The following AEBP2 variants were observed in gnomAD, a reference collection of about 807,000 sequenced individuals.
The protein encoded by AEBP2 is zinc finger protein AEBP2.
Under a neutral mutation model 50.8 loss-of-function variants are expected in AEBP2, and 10 were observed. That is an observed-to-expected ratio of 0.20 (90% CI 0.12 to 0.33). AEBP2 has a LOEUF of 0.33. Among genes scored for constraint, AEBP2 ranks in the 10% least tolerant of loss-of-function variants. The pLI is 1.00. For synonymous variants in AEBP2, 296 were observed against 261.3 expected, an observed-to-expected ratio of 1.13 and a Z score of -1.28; for missense variants, 570 against 688.0, an observed-to-expected ratio of 0.83 and a Z score of 1.92.
chr12:19,499,614 T>TAA (rs374307323), intron 4 of AEBP2, among the ~76,000 whole-genome samples: 13,701 of 111,848 alleles, frequency 0.12, 1,301 homozygotes, highest in African/African-American at 0.25. Flanking sequence ...ACTCTGTCTC[T>TAA]TAAAAAAAAA....
chr12:19,415,334 AAAAAAAAAAAAAAAAAATAT>A (rs1376758486), intron 1 of AEBP2, among the ~76,000 whole-genome samples: 4 of 43,566 alleles, frequency 9.2e-5, no homozygotes, highest in African/African-American at 2.7e-4. Context: ...AAAAAAAAAA[AAAAAAAAAAAAAAAAAATAT>A]ATATATATAT....
intron 3 of AEBP2, among the ~76,000 whole-genome samples, chr12:19,485,044 G>T (rs1948787102): frequency 6.6e-6 from 1 of 152,144 alleles, no homozygotes; most frequent in Non-Finnish European, 1.5e-5. Context: ...AAATATAAGA[G>T]ATTATTTATT....
At chr12:19,431,003 C>G (rs2095751127) in intron 1 of AEBP2, among the ~76,000 whole-genome samples, 1 of 115,914 alleles carries the variant, frequency 8.6e-6, no homozygotes, top group Admixed American at 9.4e-5. Flanking sequence ...TAGAGCCAGA[C>G]CCTGTCTAAA....
chr12:19,489,143 A>G (rs990677315), intron 3 of AEBP2, among the ~76,000 whole-genome samples: 1 of 152,142 alleles, frequency 6.6e-6, no homozygotes, highest in Non-Finnish European at 1.5e-5. Context: ...AAAACAGTCA[A>G]TGTTTGTATT....
chr12:19,439,663 G>A lies in AEBP2; in HGVS notation c.-37G>A, dbSNP rs1405321750. On this transcript the variant is annotated 5_prime_UTR_variant, in exon 1 of 8. In the 5' UTR this introduces an upstream ATG that the reference lacks. Coordinates refer to ENST00000266508, the MANE Select transcript of AEBP2 (RefSeq NM_153207.5). ...AGAGAGTCGAGAGAGGGAGGCGGCG[G>A]TGGGGAGGAGGAGGAGGAGGAGGAG... 7.0e-7 allele frequency: 1 copy of A among 1,436,788 alleles called. No homozygotes were observed. The highest frequency in any genetic ancestry group is 9.1e-7 in the Non-Finnish European group (1 of 1,097,132). 89.0% of individuals were successfully genotyped at this position (1,436,788 alleles called of 1,614,324 possible).
chr12:19,432,904 G>A (rs1008859579), intron 1 of AEBP2, among the ~76,000 whole-genome samples: 3 of 151,988 alleles, frequency 2.0e-5, no homozygotes, highest in Non-Finnish European at 4.4e-5. Context: ...TCAAATTATT[G>A]TTGCTAATTT....
chr12:19,429,554 C>G (rs1390869197), intron 1 of AEBP2, among the ~76,000 whole-genome samples: 2 of 152,236 alleles, frequency 1.3e-5, no homozygotes, highest in African/African-American at 4.8e-5. Context: ...AATCGCCACA[C>G]TGACTTCCAC....
chr12:19,433,120 T>A (rs2095752277), intron 1 of AEBP2, among the ~76,000 whole-genome samples: 1 of 152,234 alleles, frequency 6.6e-6, no homozygotes. Flanking sequence ...GCACAGTGGC[T>A]CACGCCTATA....
At chr12:19,504,280 G>A (rs10770497) in intron 5 of AEBP2, among the ~76,000 whole-genome samples, 24,705 of 150,850 alleles carry the variant, frequency 0.16, 3,560 homozygotes, top group African/African-American at 0.39. Context: ...TGTCGCCCAG[G>A]CTGGAGTGCA....
At chr12:19,435,116 T>C (rs2095753499), upstream of AEBP2, among the ~76,000 whole-genome samples, 1 of 151,656 alleles carries the variant, frequency 6.6e-6, no homozygotes, top group Non-Finnish European at 1.5e-5. Flanking sequence ...AATATCTTAG[T>C]ACATACCTGT....
chr12:19,442,474 C>A (rs540166446), intron 1 of AEBP2, among the ~76,000 whole-genome samples: 1 of 152,304 alleles, frequency 6.6e-6, no homozygotes, highest in African/African-American at 2.4e-5. Context: ...TACATCACTT[C>A]AGGAGACGAA....
chr12:19,465,558 A>G (rs1047126835), intron 2 of AEBP2, among the ~76,000 whole-genome samples: 1 of 151,966 alleles, frequency 6.6e-6, no homozygotes. Context: ...AATATAGACT[A>G]TGGTTTGTTT....
In AEBP2 at chr12:19,512,384, C is replaced by T. The variant is rs779527500; in HGVS notation, c.1300-14C>T. On this transcript the variant is annotated splice_polypyrimidine_tract_variant and intron_variant, in intron 5 of 7. Coordinates refer to ENST00000266508, the MANE Select transcript of AEBP2 (RefSeq NM_153207.5). ...ACACATTGTTTTTATGATTTCTTTT[C>T]ATGTCATTATCAGGTAATAGCTAAG... The T allele has an allele frequency of 9.3e-6, 14 of 1,503,008 alleles. No individual in the cohort carries two copies. The South Asian group carries it at 1.5e-4, about 16-fold the overall frequency. The allele number at this position is 1,503,008 out of a possible 1,614,324, so 93.1% of individuals were successfully genotyped here.
chr12:19,439,686 G>GAGA lies in AEBP2; in HGVS notation c.-12_-11insAAG. 6.7e-7 allele frequency: 1 copy of GAGA among 1,493,224 alleles called. No homozygotes were observed. The highest frequency in any genetic ancestry group is 8.9e-7 in the Non-Finnish European group (1 of 1,121,278). The allele number at this position is 1,493,224 out of a possible 1,614,324, so 92.5% of individuals were successfully genotyped here. On this transcript the variant is annotated 5_prime_UTR_variant, in exon 1 of 8. Coordinates refer to ENST00000266508, the MANE Select transcript of AEBP2 (RefSeq NM_153207.5). ...CGGTGGGGAGGAGGAGGAGGAGGAG[G>GAGA]AGCAGGCGCCGCCATGGCCGCCGCT...
intron 1 of AEBP2, among the ~76,000 whole-genome samples, chr12:19,450,771 A>C (rs1948154896): frequency 6.6e-6 from 1 of 150,942 alleles, no homozygotes; most frequent in African/African-American, 2.4e-5. Flanking sequence ...GAATCTGGGA[A>C]GTTGAGGCTG....
upstream of AEBP2, among the ~76,000 whole-genome samples, chr12:19,437,734 T>G (rs906699769): frequency 6.6e-6 from 1 of 152,236 alleles, no homozygotes; most frequent in Non-Finnish European, 1.5e-5. Context: ...TGTTGGAAGT[T>G]AATACCTTAC....
chr12:19,460,316 A>G (rs1948351057), intron 1 of AEBP2, among the ~76,000 whole-genome samples: 1 of 152,084 alleles, frequency 6.6e-6, no homozygotes, highest in Non-Finnish European at 1.5e-5. Context: ...GGTGTGAGTG[A>G]ATAGGTTGTA....
chr12:19,405,129 G>C (rs979390172), intron 1 of AEBP2, among the ~76,000 whole-genome samples: 2 of 151,264 alleles, frequency 1.3e-5, no homozygotes, highest in Non-Finnish European at 2.9e-5. Flanking sequence ...TAGAGATGGG[G>C]TTTCACCATG....
chr12:19,490,256 A>G (rs1948877620), intron 3 of AEBP2, among the ~76,000 whole-genome samples: 3 of 152,162 alleles, frequency 2.0e-5, no homozygotes, highest in Admixed American at 2.0e-4. Context: ...ACATTTCTCA[A>G]TTCAGACTAG....
Sources: gnomAD v4.1 joint callset for allele counts (sites outside exome capture counted in the v4.1 genomes callset) on GRCh38, gnomAD v4.1.1 for gene constraint, MANE v1.5 for transcripts, NCBI Gene and HGNC (gene_info 2026-07-23, HGNC 2026-07-21) for gene names.